SP2: variants seen among roughly 807,000 people sequenced by gnomAD.
SP2 encodes the protein transcription factor Sp2.
A neutral mutation model predicts 50.1 loss-of-function variants in SP2; 9 were observed. The ratio of observed to expected loss-of-function variants is 0.18; its 90% confidence interval spans 0.11 to 0.31. The LOEUF is 0.31. SP2 is among the 10% of genes least tolerant of loss of function. SP2 has a pLI of 1.00. For synonymous variants in SP2, 313 were observed against 326.6 expected, an observed-to-expected ratio of 0.96 and a Z score of 0.45; for missense variants, 581 against 806.5, an observed-to-expected ratio of 0.72 and a Z score of 3.39.
intron 1 of SP2, among the ~76,000 whole-genome samples, chr17:47,903,405 C>T (rs1396692941): frequency 6.6e-6 from 1 of 152,166 alleles, no homozygotes; most frequent in Admixed American, 6.5e-5. Context: ...GTGGCTCACG[C>T]CTGTAATCCC....
rs532392608 is a variant in SP2, at chr17:47,911,549, C to T, written c.8-3763C>T. Among the ~76,000 whole-genome samples the T allele has an allele frequency of 7.4e-3, 1,129 of 152,016 alleles. 4 individuals are homozygous for T. The highest frequency in any genetic ancestry group is 0.013 in the Non-Finnish European group (890 of 67,988). ...ATTGGCCGGGCACAGTGGCTCACGC[C>T]TGTAATCCCAGCACTTTGGGAGGCC... On this transcript the variant is annotated intron_variant, in intron 1 of 6. Coordinates refer to ENST00000376741, the MANE Select transcript of SP2 (RefSeq NM_003110.6).
chr17:47,914,966 A>G (rs1453899827), intron 1 of SP2: 1 of 171,320 alleles, frequency 5.8e-6, no homozygotes. Flanking sequence ...TAATCCCAGC[A>G]CTTTGGGAAG....
intron 3 of SP2, 102 bp from the exon 4 acceptor site, chr17:47,922,860 A>T (rs2144047249): frequency 1.0e-6 from 1 of 985,668 alleles, no homozygotes; most frequent in Non-Finnish European, 1.5e-6. Flanking sequence ...AGAGACTTTT[A>T]GTGGACAGGC....
chr17:47,929,243 G>A (rs11651625), downstream of SP2, among the ~76,000 whole-genome samples: 11 of 152,190 alleles, frequency 7.2e-5, no homozygotes, highest in South Asian at 4.1e-4. Flanking sequence ...AAGCAGATAC[G>A]AAGAGCCAAG....
At chr17:47,903,095 G>A (rs1276110507) in intron 1 of SP2, among the ~76,000 whole-genome samples, 1 of 152,202 alleles carries the variant, frequency 6.6e-6, no homozygotes, top group African/African-American at 2.4e-5. Flanking sequence ...ATACATCCAA[G>A]TGGAGCTATC....
rs774279983 is a variant in SP2, at chr17:47,917,048, C to T, written c.977C>T (p.Ala326Val). Reference sequence around the variant, plus strand: ...CAGCAGGCTCTGCGGGTGGTGCAGGCGGCATCTGCCACCCTCCCCACTGTA... The same window carrying T: ...CAGCAGGCTCTGCGGGTGGTGCAGGTGGCATCTGCCACCCTCCCCACTGTA... The part of the protein sequence containing the change: ...IPQQALRVVQ[A>V]ASATLPTVPQ... Residue 326 changes from alanine to valine, a missense_variant, in exon 3 of 7, where the codon GCG (alanine) becomes GTG (valine). Transcript: ENST00000376741. 6.8e-6 allele frequency: 11 copies of T among 1,613,912 alleles called. No individual in the cohort carries two copies. The highest frequency in any genetic ancestry group is 4.5e-5 in the East Asian group (2 of 44,888).
At chr17:47,914,513 G>T (rs1191295613) in intron 1 of SP2, among the ~76,000 whole-genome samples, 4 of 152,166 alleles carry the variant, frequency 2.6e-5, no homozygotes, top group Non-Finnish European at 5.9e-5. Context: ...TTGGCTGAGC[G>T]ATACTTCCCT....
intron 3 of SP2, among the ~76,000 whole-genome samples, chr17:47,919,793 A>G (rs1395973160): frequency 8.2e-6 from 1 of 122,050 alleles, no homozygotes; most frequent in East Asian, 2.7e-4. Flanking sequence ...TTGTCTCCTT[A>G]GTCTCTTTTG....
chr17:47,909,796 A>T (rs1176721306), intron 1 of SP2: 1 of 441,130 alleles, frequency 2.3e-6, no homozygotes, highest in African/African-American at 2.1e-5. Flanking sequence ...GAACTCTAAT[A>T]CTAATACCCA....
intron 1 of SP2, among the ~76,000 whole-genome samples, chr17:47,908,340 C>T (rs2143852933): frequency 6.6e-6 from 1 of 152,266 alleles, no homozygotes; most frequent in African/African-American, 2.4e-5. Flanking sequence ...TCCTATGTCT[C>T]TTGTTTTATA....
At chr17:47,924,895 C>A in intron 4 of SP2, 24 bp from the exon 5 acceptor site, 2 of 1,562,926 alleles carry the variant, frequency 1.3e-6, no homozygotes, top group Non-Finnish European at 1.7e-6. Context: ...TCACCCTGAA[C>A]TCTGCCCCTC....
intron 5 of SP2, 123 bp from the exon 6 acceptor site, chr17:47,925,225 C>G: frequency 7.1e-7 from 1 of 1,415,234 alleles, no homozygotes; most frequent in Non-Finnish European, 9.6e-7. Context: ...CACCTTGCCC[C>G]CTGCCTCCTT....
At chr17:47,903,245 G>A (rs896830294) in intron 1 of SP2, among the ~76,000 whole-genome samples, 3 of 152,240 alleles carry the variant, frequency 2.0e-5, no homozygotes, top group Admixed American at 2.0e-4. Flanking sequence ...AAGGTCCTGA[G>A]ACAGAGTCCT....
rs71141942 is a variant in SP2 at position 47,925,905 on chromosome 17, C to CTT, written c.1741+391_1741+392dup. Among the ~76,000 whole-genome samples, 193 of 84,436 alleles carry CTT rather than the reference C, an allele frequency of 2.3e-3. 11 individuals are homozygous for CTT. The highest frequency in any genetic ancestry group is 6.3e-3 in the African/African-American group (132 of 20,856). 55.4% of individuals were successfully genotyped at this position (84,436 alleles called of 152,430 possible). A position where few individuals can be genotyped will look rare whatever the true frequency, so the allele number is the denominator to read the frequency against. ...TTATGGGAAGATACTTTGTTTATGC[C>CTT]TTTTTTTTTTTTTTTTTTTTTTTTT... On this transcript the variant is annotated intron_variant, in intron 6 of 6. Transcript: ENST00000376741.
Position 47,911,090 on chromosome 17 carries a change from G to C in SP2, c.8-4222G>C, listed in dbSNP as rs552616878. On this transcript the variant is annotated intron_variant, in intron 1 of 6. Coordinates refer to ENST00000376741, the MANE Select transcript of SP2 (RefSeq NM_003110.6). Reference sequence around the variant, plus strand: ...AATACATAAAAATTAGCCGGGTGTGGTGGTGTGCACCAGTGGTCCCAGCTA... The same window carrying C: ...AATACATAAAAATTAGCCGGGTGTGCTGGTGTGCACCAGTGGTCCCAGCTA... Among the ~76,000 whole-genome samples, 35 of 152,244 alleles carry C rather than the reference G, an allele frequency of 2.3e-4. 1 individual carries two copies. In the South Asian group the frequency reaches 4.4e-3, roughly 19 times the overall value.
chr17:47,897,257 A>G (rs2034377177), intron 1 of SP2: 1 of 152,204 alleles, frequency 6.6e-6, no homozygotes, highest in South Asian at 2.1e-4. Flanking sequence ...AGAAGGAACT[A>G]TGTTTTCTCC....
At chr17:47,926,411 C>T (rs2035653513) in intron 6 of SP2, among the ~76,000 whole-genome samples, 1 of 151,390 alleles carries the variant, frequency 6.6e-6, no homozygotes, top group African/African-American at 2.4e-5. Flanking sequence ...CTCCTGGGCT[C>T]AAGTGATTCT....
chr17:47,924,898 T>C, intron 4 of SP2, 21 bp from the exon 5 acceptor site: 1 of 1,567,124 alleles, frequency 6.4e-7, no homozygotes, highest in East Asian at 2.3e-5. Context: ...CCCTGAACTC[T>C]GCCCCTCTTT....
At chr17:47,920,745 T>C (rs1207622605) in intron 3 of SP2, among the ~76,000 whole-genome samples, 2 of 152,190 alleles carry the variant, frequency 1.3e-5, no homozygotes, top group Non-Finnish European at 2.9e-5. Flanking sequence ...TATATCCCTC[T>C]GACAGGCTCT....
Sources: allele counts gnomAD v4.1 joint callset (sites outside exome capture counted in the v4.1 genomes callset), GRCh38; gene constraint gnomAD v4.1.1; transcripts MANE v1.5; gene names NCBI Gene and HGNC (gene_info 2026-07-23, HGNC 2026-07-21).